Variants in GRID1 observed in about 807,000 individuals in gnomAD.
GRID1 encodes glutamate receptor ionotropic, delta-1.
GRID1 carries 28 observed loss-of-function variants against 98.0 expected under a neutral mutation model. That is an observed-to-expected ratio of 0.29 (90% CI 0.21 to 0.39). GRID1 has a LOEUF of 0.39. Among genes scored for constraint, GRID1 ranks in the 10% least tolerant of loss-of-function variants. GRID1 has a pLI of 1.00. For missense variants in GRID1, 1,111 were observed against 1,340.5 expected (o/e 0.83, Z 2.67); for synonymous variants, 553 against 538.5 (o/e 1.03, Z -0.37).
At chr10:86,354,331 G>A (rs548889076) in intron 2 of GRID1, among the ~76,000 whole-genome samples, 5 of 152,372 alleles carry the variant, frequency 3.3e-5, no homozygotes, top group South Asian at 2.1e-4. Flanking sequence ...AAGAGGTGTC[G>A]TGTACCTTGG....
At chr10:86,295,943 C>T (rs935908883) in intron 2 of GRID1, among the ~76,000 whole-genome samples, 1 of 152,348 alleles carries the variant, frequency 6.6e-6, no homozygotes, top group East Asian at 1.9e-4. Flanking sequence ...ATCCATCCCC[C>T]CTACAGACAG....
intron 13 of GRID1, 22 bp from the exon 14 acceptor site, chr10:85,620,055 G>A: frequency 1.2e-6 from 2 of 1,608,314 alleles, no homozygotes; most frequent in African/African-American, 1.3e-5. Context: ...AAATTACCAT[G>A]AAGTCAGGCA....
At chr10:86,230,559 C>T (rs116145514) in intron 2 of GRID1, among the ~76,000 whole-genome samples, 3 of 152,174 alleles carry the variant, frequency 2.0e-5, no homozygotes, top group Non-Finnish European at 2.9e-5. Flanking sequence ...GAGCCTGGAG[C>T]GAGGAAACAT....
intron 2 of GRID1, among the ~76,000 whole-genome samples, chr10:86,301,433 C>T (rs1847685665): frequency 6.6e-6 from 1 of 152,254 alleles, no homozygotes; most frequent in Admixed American, 6.5e-5. Context: ...TAAAATTACA[C>T]AGCATTATCT....
At chr10:85,845,278 A>C (rs574595589) in intron 8 of GRID1, among the ~76,000 whole-genome samples, 1 of 152,298 alleles carries the variant, frequency 6.6e-6, no homozygotes, top group South Asian at 2.1e-4. Context: ...TACACACAGT[A>C]ACAAGTAGAA....
At chr10:85,740,733 T>C (rs891493183) in intron 8 of GRID1, among the ~76,000 whole-genome samples, 2 of 149,254 alleles carry the variant, frequency 1.3e-5, no homozygotes, top group African/African-American at 5.0e-5. Flanking sequence ...ATTTTACATC[T>C]ATCTGTTCAC....
intron 5 of GRID1, among the ~76,000 whole-genome samples, chr10:85,909,151 T>C (rs1236684973): frequency 6.6e-6 from 1 of 152,212 alleles, no homozygotes; most frequent in East Asian, 1.9e-4. Flanking sequence ...GCCAAGAAGA[T>C]ACCTAGATCT....
At chr10:85,882,309 A>G (rs1314324343) in intron 5 of GRID1, among the ~76,000 whole-genome samples, 1 of 152,200 alleles carries the variant, frequency 6.6e-6, no homozygotes, top group African/African-American at 2.4e-5. Context: ...TGCTGCTATA[A>G]AGACACATGC....
At position 85,820,023 on chromosome 10, in the gene GRID1, A is replaced by C. The variant is rs56317476; in HGVS notation, c.1233+34473T>G. 8.6e-3 allele frequency among the ~76,000 whole-genome samples: 774 copies of C among 89,700 alleles called. 4 individuals are homozygous for C. Among genetic ancestry groups the C allele is most frequent in the African/African-American group, 0.041 (636 of 15,432 alleles). The allele number at this position is 89,700 out of a possible 152,430, so 58.8% of individuals were successfully genotyped here. A position where few individuals can be genotyped will look rare whatever the true frequency, so the allele number is the denominator to read the frequency against. Reference sequence around the variant, plus strand: ...GAAGGAAGGAAGGAAGGAAGGAAGGAAGGAAGGCAGGCAGGCAGGCAGGCA... The same window carrying C: ...GAAGGAAGGAAGGAAGGAAGGAAGGCAGGAAGGCAGGCAGGCAGGCAGGCA... On this transcript the variant is annotated intron_variant, in intron 8 of 15. Transcript: ENST00000327946.
At chr10:86,045,011 C>G (rs1281498528) in intron 4 of GRID1, among the ~76,000 whole-genome samples, 1 of 152,238 alleles carries the variant, frequency 6.6e-6, no homozygotes, top group African/African-American at 2.4e-5. Flanking sequence ...CCTCTTGACA[C>G]TGGGATGCAA....
chr10:86,272,568 C>G (rs983491005), intron 2 of GRID1, among the ~76,000 whole-genome samples: 1 of 152,132 alleles, frequency 6.6e-6, no homozygotes, highest in Admixed American at 6.6e-5. Context: ...TGAGGGATAC[C>G]TGAAGGATTG....
intron 4 of GRID1, among the ~76,000 whole-genome samples, chr10:86,020,850 C>G (rs1302153500): frequency 6.6e-6 from 1 of 152,020 alleles, no homozygotes; most frequent in African/African-American, 2.4e-5. Flanking sequence ...GACTCTGGAG[C>G]CTTTTGTTAA....
intron 12 of GRID1, among the ~76,000 whole-genome samples, chr10:85,669,969 G>A (rs1590182985): frequency 1.3e-5 from 2 of 152,244 alleles, no homozygotes; most frequent in Middle Eastern, 6.8e-3. Context: ...TGACACACCT[G>A]CATCATAACA....
At position 85,735,796 on chromosome 10, in the gene GRID1, G is replaced by C. The variant is rs189219936; in HGVS notation, c.1234-6182C>G. On this transcript the variant is annotated intron_variant, in intron 8 of 15. Transcript: ENST00000327946. ...TCCTGCGAAGGGAAGGAGAGAGGAA[G>C]GGAGGAAGGAAGGAGGGATGGAGGG... is the stretch of plus-strand genomic sequence containing the variant. Among the ~76,000 whole-genome samples the C allele has an allele frequency of 7.9e-4, 119 of 151,134 alleles. 1 individual carries two copies. Among genetic ancestry groups the C allele is most frequent in the Non-Finnish European group, 5.3e-4 (36 of 67,752 alleles).
At chr10:86,344,268 C>A (rs1049873395) in intron 2 of GRID1, among the ~76,000 whole-genome samples, 28 of 152,242 alleles carry the variant, frequency 1.8e-4, no homozygotes, top group African/African-American at 6.8e-4. Flanking sequence ...CAAAACAATT[C>A]TTCAAGGTAG....
intron 4 of GRID1, among the ~76,000 whole-genome samples, chr10:86,062,818 T>G (rs972944316): frequency 2.0e-5 from 3 of 152,238 alleles, no homozygotes; most frequent in Non-Finnish European, 4.4e-5. Context: ...GCAGGGCTGT[T>G]GTGGGTCCTG....
chr10:85,635,503 T>C (rs1843029043), intron 13 of GRID1, among the ~76,000 whole-genome samples: 2 of 152,214 alleles, frequency 1.3e-5, no homozygotes, highest in Non-Finnish European at 2.9e-5. Flanking sequence ...ATATGAATGC[T>C]ATTTCTATCC....
chr10:85,991,569 C>A (rs901026064), intron 4 of GRID1, among the ~76,000 whole-genome samples: 3 of 151,798 alleles, frequency 2.0e-5, no homozygotes, highest in Admixed American at 2.0e-4. Context: ...GAGGAGCCTG[C>A]GAAGGAAACT....
chr10:86,199,427 C>A, intron 3 of GRID1, among the ~76,000 whole-genome samples: 1 of 152,140 alleles, frequency 6.6e-6, no homozygotes, highest in East Asian at 1.9e-4. Flanking sequence ...AATCTTTGTA[C>A]ATCAAGCAAA....
Sources: gnomAD v4.1 joint callset for allele counts (sites outside exome capture counted in the v4.1 genomes callset) on GRCh38, gnomAD v4.1.1 for gene constraint, MANE v1.5 for transcripts, NCBI Gene and HGNC (gene_info 2026-07-23, HGNC 2026-07-21) for gene names.